The following AUTS2 variants were observed in gnomAD, a reference collection of about 807,000 sequenced individuals.
AUTS2 encodes autism susceptibility gene 2 protein.
AUTS2 carries 17 observed loss-of-function variants against 112.4 expected under a neutral mutation model. The observed-to-expected ratio is 0.15, with a 90% CI of 0.10 to 0.23. AUTS2 has a LOEUF of 0.23. AUTS2 is among the 10% of genes least tolerant of loss of function. The pLI, the probability that AUTS2 is intolerant of heterozygous loss-of-function variation, is 1.00. For synonymous variants in AUTS2, 751 were observed against 702.7 expected, an observed-to-expected ratio of 1.07 and a Z score of -1.09; for missense variants, 1,510 against 1,701.6, an observed-to-expected ratio of 0.89 and a Z score of 1.98.
In AUTS2 at chr7:70,406,479, A is replaced by T. The variant is rs187453225; in HGVS notation, c.661-29273A>T. 8.5e-5 allele frequency among the ~76,000 whole-genome samples: 13 copies of T among 152,316 alleles called. No individual in the cohort carries two copies. In the East Asian group the frequency reaches 2.5e-3, roughly 29 times the overall value. ...GAACAGAGAGCTGCCCCGCGGCACC[A>T]TCTGTTTCTGCCAGCATCTATGTTG... On this transcript the variant is annotated intron_variant, in intron 4 of 18. Coordinates refer to ENST00000342771, the MANE Select transcript of AUTS2 (RefSeq NM_015570.4).
chr7:69,692,545 T>C (rs1163764294), intron 1 of AUTS2, among the ~76,000 whole-genome samples: 1 of 152,268 alleles, frequency 6.6e-6, no homozygotes, highest in Non-Finnish European at 1.5e-5. Flanking sequence ...ATTGTATCCT[T>C]ATGTCTTTCA....
At chr7:69,953,337 C>A (rs1186326282) in intron 2 of AUTS2, among the ~76,000 whole-genome samples, 2 of 152,134 alleles carry the variant, frequency 1.3e-5, no homozygotes, top group Admixed American at 1.3e-4. Context: ...TAGATTCTGG[C>A]AGAATGGAAA....
intron 5 of AUTS2, among the ~76,000 whole-genome samples, chr7:70,611,888 T>G (rs1585377169): frequency 6.6e-6 from 1 of 152,224 alleles, no homozygotes; most frequent in African/African-American, 2.4e-5. Flanking sequence ...ACTTGAATAG[T>G]GACTTCAGTG....
intron 1 of AUTS2, among the ~76,000 whole-genome samples, chr7:69,780,749 G>A (rs1247233627): frequency 1.3e-5 from 2 of 152,216 alleles, no homozygotes; most frequent in African/African-American, 4.8e-5. Flanking sequence ...GAGTGTCATT[G>A]CTGGAGTTAA....
chr7:70,777,668 C>G (rs1375861876), intron 14 of AUTS2, among the ~76,000 whole-genome samples: 1 of 152,166 alleles, frequency 6.6e-6, no homozygotes. Context: ...AGGGAAACCA[C>G]TAGTGAAATT....
At chr7:70,013,268 G>A (rs1463835082) in intron 2 of AUTS2, among the ~76,000 whole-genome samples, 11 of 152,170 alleles carry the variant, frequency 7.2e-5, no homozygotes, top group Non-Finnish European at 1.6e-4. Flanking sequence ...TCTAAACCTT[G>A]AGGACTAACT....
chr7:70,293,272 G>A (rs147557269), intron 4 of AUTS2: 2 of 152,306 alleles, frequency 1.3e-5, no homozygotes, highest in Admixed American at 1.3e-4. Flanking sequence ...ACTGTATGGT[G>A]TGCAGCTTAG....
At chr7:69,894,672 A>T (rs1355745502) in intron 1 of AUTS2, among the ~76,000 whole-genome samples, 5 of 152,188 alleles carry the variant, frequency 3.3e-5, no homozygotes, top group Admixed American at 6.5e-5. Flanking sequence ...CATCTTTCAC[A>T]TGAGAGTTTT....
intron 1 of AUTS2, among the ~76,000 whole-genome samples, chr7:69,791,953 G>A (rs149012549): frequency 8.7e-4 from 132 of 152,258 alleles, no homozygotes; most frequent in African/African-American, 3.0e-3. Context: ...CTGTAGTTGG[G>A]CTGAGTCCTC....
intron 1 of AUTS2, among the ~76,000 whole-genome samples, chr7:69,633,998 A>G (rs969028847): frequency 2.0e-5 from 3 of 152,052 alleles, no homozygotes; most frequent in African/African-American, 7.2e-5. Context: ...TTGTTATGTT[A>G]TCCAAAAAAA....
chr7:69,832,202 C>T (rs1791533233), intron 1 of AUTS2, among the ~76,000 whole-genome samples: 1 of 152,120 alleles, frequency 6.6e-6, no homozygotes, highest in African/African-American at 2.4e-5. Context: ...ACTCCTGCAG[C>T]GTTTTAAACC....
At chr7:69,735,732 C>T (rs925943331) in intron 1 of AUTS2, among the ~76,000 whole-genome samples, 1 of 152,162 alleles carries the variant, frequency 6.6e-6, no homozygotes, top group African/African-American at 2.4e-5. Flanking sequence ...GCCGCACAGC[C>T]CCCTGACAAG....
At chr7:70,603,567 G>T (rs1803583241) in intron 5 of AUTS2, among the ~76,000 whole-genome samples, 1 of 152,108 alleles carries the variant, frequency 6.6e-6, no homozygotes, top group Admixed American at 6.5e-5. Flanking sequence ...AAGGATGTGG[G>T]GGCAGGTGCT....
At chr7:70,487,485 T>C (rs918978171) in intron 5 of AUTS2, among the ~76,000 whole-genome samples, 6 of 152,152 alleles carry the variant, frequency 3.9e-5, no homozygotes, top group South Asian at 4.1e-4. Context: ...CATGGCTGCA[T>C]AGGGAGCCAT....
At chr7:70,142,466 G>A (rs1806916851) in intron 4 of AUTS2, among the ~76,000 whole-genome samples, 1 of 152,212 alleles carries the variant, frequency 6.6e-6, no homozygotes, top group Non-Finnish European at 1.5e-5. Flanking sequence ...GTGCTGCTTA[G>A]TGAACACTGT....
Position 70,441,714 on chromosome 7 carries a change from G to A in AUTS2, c.690+5933G>A, listed in dbSNP as rs1466824890. 2.6e-5 allele frequency among the ~76,000 whole-genome samples: 4 copies of A among 152,184 alleles called. No homozygotes were observed. In the East Asian group the frequency reaches 7.7e-4, roughly 29 times the overall value. On this transcript the variant is annotated intron_variant, in intron 5 of 18. Transcript: ENST00000342771. ...CATTTTTAAATTCATGCTAAAAGTT[G>A]TTGTGTTTGATCATTTTATGTTCAC...
chr7:70,158,918 A>G (rs1350612285), intron 4 of AUTS2, among the ~76,000 whole-genome samples: 1 of 152,210 alleles, frequency 6.6e-6, no homozygotes, highest in Non-Finnish European at 1.5e-5. Flanking sequence ...ATATGATATG[A>G]GTATATCATT....
rs564418609 is a variant in AUTS2 at position 70,480,213 on chromosome 7, C to T, written c.690+44432C>T. On this transcript the variant is annotated intron_variant, in intron 5 of 18. Coordinates refer to ENST00000342771, the MANE Select transcript of AUTS2 (RefSeq NM_015570.4). ...GACGGATATGTCCAGTGTATGTGTA[C>T]GTGTGTGTGCACATGCACTTAGGAC... 3.3e-5 allele frequency among the ~76,000 whole-genome samples: 5 copies of T among 152,298 alleles called. No individual in the cohort carries two copies. In the South Asian group the frequency reaches 6.2e-4, roughly 19 times the overall value.
At chr7:70,164,834 A>C (rs888350714) in intron 4 of AUTS2, among the ~76,000 whole-genome samples, 1 of 152,092 alleles carries the variant, frequency 6.6e-6, no homozygotes, top group African/African-American at 2.4e-5. Context: ...AAATTATGAC[A>C]TAGACACACT....
Sources: gnomAD v4.1 joint callset for allele counts (sites outside exome capture counted in the v4.1 genomes callset) on GRCh38, gnomAD v4.1.1 for gene constraint, MANE v1.5 for transcripts, NCBI Gene and HGNC (gene_info 2026-07-23, HGNC 2026-07-21) for gene names.